ALCAM: variants seen among roughly 807,000 people sequenced by gnomAD.
The protein encoded by ALCAM is activated leukocyte cell adhesion molecule.
A neutral mutation model predicts 70.9 loss-of-function variants in ALCAM; 30 were observed. The observed-to-expected ratio is 0.42, with a 90% CI of 0.32 to 0.57. The LOEUF is 0.57. Ranked by LOEUF, ALCAM falls within the 20% of genes least tolerant of loss-of-function variation. The pLI is 0.11. For synonymous variants in ALCAM, 249 were observed against 242.5 expected (o/e 1.03, Z -0.25); for missense variants, 591 against 695.1 (o/e 0.85, Z 1.68).
intron 1 of ALCAM, among the ~76,000 whole-genome samples, chr3:105,414,804 A>G (rs1936469955): frequency 6.6e-6 from 1 of 152,158 alleles, no homozygotes; most frequent in Admixed American, 6.6e-5. Flanking sequence ...TATTTTGTAT[A>G]TATTGGGAAT....
chr3:105,536,685 G>C (rs535647759), intron 6 of ALCAM, among the ~76,000 whole-genome samples: 16 of 152,124 alleles, frequency 1.1e-4, no homozygotes, highest in Non-Finnish European at 2.1e-4. Flanking sequence ...CAAAGAAGCA[G>C]TTTAAGACAG....
At chr3:105,486,644 G>T (rs1227795985) in intron 1 of ALCAM, among the ~76,000 whole-genome samples, 1 of 151,884 alleles carries the variant, frequency 6.6e-6, no homozygotes, top group Non-Finnish European at 1.5e-5. Flanking sequence ...TAATTACACT[G>T]GTTTTTTACT....
chr3:105,532,190 C>T, intron 4 of ALCAM, 124 bp downstream of exon 4: 1 of 800,606 alleles, frequency 1.2e-6, no homozygotes, highest in Non-Finnish European at 2.1e-6. Flanking sequence ...TTGCAGCTAC[C>T]AATCAGAAAT....
Position 105,370,641 on chromosome 3 carries a change from A to G in ALCAM, c.73+3160A>G, listed in dbSNP as rs200727186. Among the ~76,000 whole-genome samples, 611 of 152,238 alleles carry G rather than the reference A, an allele frequency of 4.0e-3. 1 individual carries two copies. The highest frequency in any genetic ancestry group is 5.9e-3 in the Non-Finnish European group (401 of 67,994). Reference sequence around the variant, plus strand: ...TAAATTGTATTATTAGAAAAGTATCAGTAGACCCCAATTTCTAATTTCCTT... The same window carrying G: ...TAAATTGTATTATTAGAAAAGTATCGGTAGACCCCAATTTCTAATTTCCTT... On this transcript the variant is annotated intron_variant, in intron 1 of 15. Transcript: ENST00000306107.
chr3:105,554,979 A>G (rs1940485373), intron 14 of ALCAM, among the ~76,000 whole-genome samples: 1 of 152,016 alleles, frequency 6.6e-6, no homozygotes. Context: ...GGTCAAATAA[A>G]TGTTAAATTC....
intron 1 of ALCAM, among the ~76,000 whole-genome samples, chr3:105,435,101 A>T (rs1034677944): frequency 6.6e-6 from 1 of 152,222 alleles, no homozygotes; most frequent in African/African-American, 2.4e-5. Context: ...ATACAGGTTA[A>T]TGACTCCTCA....
intron 1 of ALCAM, among the ~76,000 whole-genome samples, chr3:105,388,286 T>C (rs2107347703): frequency 6.6e-6 from 1 of 151,650 alleles, no homozygotes; most frequent in African/African-American, 2.4e-5. Flanking sequence ...AAGTAAAAGG[T>C]GAATTAATAG....
chr3:105,478,509 T>C (rs987955600), intron 1 of ALCAM, among the ~76,000 whole-genome samples: 1 of 152,224 alleles, frequency 6.6e-6, no homozygotes, highest in African/African-American at 2.4e-5. Flanking sequence ...TGACTCCCAG[T>C]GCAGTCCATA....
intron 1 of ALCAM, among the ~76,000 whole-genome samples, chr3:105,482,141 C>A (rs1427793863): frequency 6.6e-6 from 1 of 152,152 alleles, no homozygotes; most frequent in Admixed American, 6.5e-5. Context: ...TTGAGACAGT[C>A]TCACTCTGTC....
chr3:105,515,102 C>A (rs986425142), intron 1 of ALCAM, among the ~76,000 whole-genome samples: 1 of 151,816 alleles, frequency 6.6e-6, no homozygotes, highest in Non-Finnish European at 1.5e-5. Context: ...ACTTTATATA[C>A]CTCATGACCT....
chr3:105,440,187 A>C (rs1360391730), intron 1 of ALCAM, among the ~76,000 whole-genome samples: 1 of 152,182 alleles, frequency 6.6e-6, no homozygotes, highest in Non-Finnish European at 1.5e-5. Context: ...ACCTTGGGGA[A>C]GTTTGGCTAT....
intron 1 of ALCAM, among the ~76,000 whole-genome samples, chr3:105,467,057 T>C (rs1937759296): frequency 6.6e-6 from 1 of 151,454 alleles, no homozygotes; most frequent in Admixed American, 6.6e-5. Context: ...AATAGCTGTG[T>C]AACTTTGGAG....
chr3:105,471,352 T>A (rs1937919997), intron 1 of ALCAM, among the ~76,000 whole-genome samples: 1 of 151,356 alleles, frequency 6.6e-6, no homozygotes. Context: ...AATGTCATTT[T>A]CTAAGAACTT....
intron 1 of ALCAM, among the ~76,000 whole-genome samples, chr3:105,370,980 A>G (rs1226438677): frequency 3.3e-5 from 5 of 152,214 alleles, no homozygotes; most frequent in Admixed American, 6.5e-5. Context: ...GATTTGCAAC[A>G]TGGTTGTAAA....
chr3:105,533,965 C>T (rs1939908224), intron 5 of ALCAM, among the ~76,000 whole-genome samples: 1 of 152,078 alleles, frequency 6.6e-6, no homozygotes, highest in Admixed American at 6.5e-5. Context: ...CAGTGAGAGC[C>T]CAGAGCTTGT....
At position 105,576,553 on chromosome 3, in the gene ALCAM, G is replaced by C. The variant is rs999673626; in HGVS notation, c.*2102G>C. 2.0e-5 allele frequency: 3 copies of C among 152,506 alleles called. No individual in the cohort carries two copies. Among genetic ancestry groups the C allele is most frequent in the African/African-American group, 7.2e-5 (3 of 41,404 alleles). The allele number at this position is 152,506 out of a possible 1,614,324, so 9.4% of individuals were successfully genotyped here. A position where few individuals can be genotyped will look rare whatever the true frequency, so the allele number is the denominator to read the frequency against. ...TGGTTAATTAAGTCCAAAAACAGCT[G>C]TCAGAACCTCGAGAGCAGAACATGA... On this transcript the variant is annotated 3_prime_UTR_variant, in exon 16 of 16. Coordinates refer to ENST00000306107, the MANE Select transcript of ALCAM (RefSeq NM_001627.4).
intron 14 of ALCAM, among the ~76,000 whole-genome samples, chr3:105,555,907 G>T (rs1940504967): frequency 6.6e-6 from 1 of 151,798 alleles, no homozygotes; most frequent in Non-Finnish European, 1.5e-5. Context: ...AAAACTGAAG[G>T]TGCTTTGATG....
At chr3:105,552,899 G>T in intron 14 of ALCAM, 1 of 1,088,434 alleles carries the variant, frequency 9.2e-7, no homozygotes, top group Non-Finnish European at 1.1e-6. Flanking sequence ...AACAACCATA[G>T]ACTTTTTGGT....
intron 1 of ALCAM, among the ~76,000 whole-genome samples, chr3:105,420,023 T>C (rs1456400577): frequency 6.6e-6 from 1 of 151,688 alleles, no homozygotes; most frequent in Non-Finnish European, 1.5e-5. Context: ...TTTTTATATA[T>C]ACAAGCACAA....
Sources: allele counts gnomAD v4.1 joint callset (sites outside exome capture counted in the v4.1 genomes callset), GRCh38; gene constraint gnomAD v4.1.1; transcripts MANE v1.5; gene names NCBI Gene and HGNC (gene_info 2026-07-23, HGNC 2026-07-21).